The following CERKL variants were observed in gnomAD, a reference collection of about 807,000 sequenced individuals.
CERKL encodes the protein ceramide kinase-like protein.
Under a neutral mutation model 63.4 loss-of-function variants are expected in CERKL, and 61 were observed. That is an observed-to-expected ratio of 0.96 (90% confidence interval 0.78 to 1.19). The LOEUF (loss-of-function observed/expected upper bound fraction) is 1.19. Among genes scored for constraint, CERKL ranks in the 50% most tolerant of loss-of-function variants. CERKL has a pLI of 0.00. For synonymous variants in CERKL, 250 were observed against 230.5 expected, an observed-to-expected ratio of 1.08 and a Z score of -0.77; for missense variants, 675 against 655.5, an observed-to-expected ratio of 1.03 and a Z score of -0.33.
chr2:181,643,723 T>C (rs1687547376), intron 1 of CERKL, among the ~76,000 whole-genome samples: 1 of 152,248 alleles, frequency 6.6e-6, no homozygotes, highest in Admixed American at 6.5e-5. Flanking sequence ...GATAGCACTG[T>C]GAGCATTTGG....
chr2:181,602,231 A>G (rs16867456), intron 2 of CERKL, among the ~76,000 whole-genome samples: 2,234 of 152,296 alleles, frequency 0.015, 68 homozygotes, highest in African/African-American at 0.051. Flanking sequence ...CATAAGCCCC[A>G]TGGGAGAAGA....
chr2:181,547,736 A>C lies in CERKL; in HGVS notation c.1160-10T>G, dbSNP rs771126203. The stretch of plus-strand genomic sequence containing the variant: ...CATTGATCATTACAGTCTAAAGGTA[A>C]TGAAAGTGATTGGTTATTTTCCCTC... On this transcript the variant is annotated splice_polypyrimidine_tract_variant and intron_variant, in intron 9 of 12. Transcript: ENST00000410087. 2.0e-5 allele frequency: 33 copies of C among 1,613,780 alleles called. No homozygotes were observed. The African/African-American group carries it at 3.3e-4, about 16-fold the overall frequency.
At position 181,652,646 on chromosome 2, in the gene CERKL, C is replaced by G. The variant is rs965952432; in HGVS notation, c.238+4123G>C. 2.0e-5 allele frequency among the ~76,000 whole-genome samples: 3 copies of G among 151,996 alleles called. No homozygotes were observed. The East Asian group carries it at 5.8e-4, about 29-fold the overall frequency. On this transcript the variant is annotated intron_variant, in intron 1 of 12. Transcript: ENST00000410087. ...TTACATCAAACTAAAAAACTTTGCACCTTGAAGAAAACTATTAACAAAGTG... is the reference window on the plus strand; with the variant it reads ...TTACATCAAACTAAAAAACTTTGCAGCTTGAAGAAAACTATTAACAAAGTG...
intron 1 of CERKL, among the ~76,000 whole-genome samples, chr2:181,648,776 T>A (rs1308231692): frequency 6.6e-6 from 1 of 152,066 alleles, no homozygotes; most frequent in Non-Finnish European, 1.5e-5. Context: ...GCAACAAAAA[T>A]ATAAATTAGG....
intron 3 of CERKL, 118 bp downstream of exon 3, chr2:181,573,635 G>C (rs1033750699): frequency 1.2e-6 from 1 of 803,374 alleles, no homozygotes; most frequent in Non-Finnish European, 2.0e-6. Context: ...TTATGAAGAC[G>C]TAAAAATGCT....
intron 12 of CERKL, among the ~76,000 whole-genome samples, chr2:181,538,475 C>A (rs1687315035): frequency 6.6e-6 from 1 of 152,096 alleles, no homozygotes; most frequent in South Asian, 2.1e-4. Context: ...TCTCCATTAC[C>A]TCTGTAAAAC....
At chr2:181,630,884 G>A (rs1686928747) in intron 1 of CERKL, among the ~76,000 whole-genome samples, 1 of 152,128 alleles carries the variant, frequency 6.6e-6, no homozygotes, top group African/African-American at 2.4e-5. Context: ...AGGAAAACAT[G>A]GCAAGCAGAG....
At chr2:181,620,397 TAA>T (rs1052858384) in intron 1 of CERKL, among the ~76,000 whole-genome samples, 2 of 152,212 alleles carry the variant, frequency 1.3e-5, no homozygotes, top group African/African-American at 2.4e-5. Flanking sequence ...CACAGCCCTC[TAA>T]ATTGTCCAAA....
chr2:181,610,804 A>T (rs1020575293), intron 1 of CERKL, among the ~76,000 whole-genome samples: 1 of 152,338 alleles, frequency 6.6e-6, no homozygotes, highest in Non-Finnish European at 1.5e-5. Context: ...CCTTTCTTGT[A>T]ATCAGAATTA....
rs199762900 is a variant in CERKL, at chr2:181,656,941, G to A, written c.66C>T (p.Pro22=). The A allele has an allele frequency of 1.3e-6, 2 of 1,588,106 alleles. No homozygotes were observed. The highest frequency in any genetic ancestry group is 2.3e-5 in the East Asian group (1 of 44,052). ...ALEGGREEEA[P]PEAAAVPPAL... ...CCGGAGGCACAGCGGCAGCCTCCGG[G>A]GGCGCCTCTTCCTCCCGGCCGCCCT... Residue 22 remains proline, a synonymous_variant, in exon 1 of 13, where the codon CCC becomes CCT. Coordinates refer to ENST00000410087, the MANE Select transcript of CERKL (RefSeq NM_201548.5).
chr2:181,649,653 C>T (rs1687817395), intron 1 of CERKL: 1 of 152,216 alleles, frequency 6.6e-6, no homozygotes, highest in African/African-American at 2.4e-5. Context: ...GGAGAGATCA[C>T]ATGTTAGGCC....
intron 1 of CERKL, among the ~76,000 whole-genome samples, chr2:181,636,117 C>T (rs1027056236): frequency 1.3e-5 from 2 of 152,152 alleles, no homozygotes; most frequent in Non-Finnish European, 2.9e-5. Context: ...TTTCAAGCTA[C>T]TTCCCTTCTG....
At chr2:181,640,452 T>C (rs1012844689) in intron 1 of CERKL, among the ~76,000 whole-genome samples, 4 of 152,198 alleles carry the variant, frequency 2.6e-5, no homozygotes, top group African/African-American at 4.8e-5. Flanking sequence ...AGGATTTTAA[T>C]GATGCTTGTA....
Position 181,603,983 on chromosome 2 carries a change from T to C in CERKL, c.335A>G (p.Gln112Arg), listed in dbSNP as rs746354176. 4.3e-6 allele frequency: 7 copies of C among 1,613,464 alleles called. No homozygotes were observed. The highest frequency in any genetic ancestry group is 5.1e-6 in the Non-Finnish European group (6 of 1,179,734). Reference protein sequence around the residue: ...KLKRRCSVKQQRSGTLLGITL... With the variant: ...KLKRRCSVKQRRSGTLLGITL... ...GATACCTAATAAAGTACCACTTCTC[T>C]GCTGTTTAACAGAACAACGCCGTTT... Residue 112 changes from glutamine (Q) to arginine (R), a missense_variant, in exon 2 of 13, where the codon CAG becomes CGG. Physicochemically the swap from Gln to Arg is conservative, Grantham distance 43 (BLOSUM62 1). Transcript: ENST00000410087.
chr2:181,607,399 C>G (rs1283490174), intron 1 of CERKL, among the ~76,000 whole-genome samples: 1 of 152,238 alleles, frequency 6.6e-6, no homozygotes, highest in Non-Finnish European at 1.5e-5. Context: ...TTGTCACAGA[C>G]TGAACAGTGA....
chr2:181,538,783 TC>T (rs1393896966), intron 12 of CERKL, among the ~76,000 whole-genome samples: 4 of 152,206 alleles, frequency 2.6e-5, no homozygotes. Context: ...AAGATCTTGA[TC>T]CATTTTTAAA....
intron 3 of CERKL, among the ~76,000 whole-genome samples, chr2:181,573,157 T>TA (rs1688981812): frequency 6.6e-6 from 1 of 151,938 alleles, no homozygotes; most frequent in Non-Finnish European, 1.5e-5. Flanking sequence ...ACTACCAAAT[T>TA]AAAAAAATCA....
At chr2:181,576,191 A>C (rs1684201897) in intron 2 of CERKL, among the ~76,000 whole-genome samples, 1 of 152,234 alleles carries the variant, frequency 6.6e-6, no homozygotes, top group Admixed American at 6.5e-5. Flanking sequence ...TAATTAATAA[A>C]TATAGAAGAA....
chr2:181,629,976 A>AAAC (rs1686881695), intron 1 of CERKL, among the ~76,000 whole-genome samples: 1 of 151,570 alleles, frequency 6.6e-6, no homozygotes, highest in East Asian at 1.9e-4. Context: ...AAAAAAAAAA[A>AAAC]AACACAAGAA....
Sources: gnomAD v4.1 joint callset for allele counts (sites outside exome capture counted in the v4.1 genomes callset) on GRCh38, gnomAD v4.1.1 for gene constraint, MANE v1.5 for transcripts, NCBI Gene and HGNC (gene_info 2026-07-23, HGNC 2026-07-21) for gene names.